The following ARAP2 variants were observed in gnomAD, a reference collection of about 807,000 sequenced individuals.
The protein encoded by ARAP2 is ArfGAP with RhoGAP domain, ankyrin repeat and PH domain 2.
ARAP2 carries 148 observed loss-of-function variants against 194.5 expected under a neutral mutation model. The observed-to-expected ratio is 0.76, with a 90% CI of 0.67 to 0.87. ARAP2 has a LOEUF of 0.87. Among genes scored for constraint, ARAP2 ranks in the 40% least tolerant of loss-of-function variants. ARAP2 has a pLI of 0.00. For synonymous variants in ARAP2, 695 were observed against 683.5 expected (o/e 1.02, Z -0.26); for missense variants, 2,128 against 1,989.7 (o/e 1.07, Z -1.32).
At chr4:36,113,115 C>T (rs1316790378) in intron 26 of ARAP2, among the ~76,000 whole-genome samples, 1 of 151,794 alleles carries the variant, frequency 6.6e-6, no homozygotes, top group African/African-American at 2.4e-5. Context: ...AGGGAATAGT[C>T]ATTAACAATA....
chr4:36,098,882 T>C (rs1473714601), intron 27 of ARAP2, among the ~76,000 whole-genome samples: 5 of 149,300 alleles, frequency 3.3e-5, no homozygotes, highest in Non-Finnish European at 7.4e-5. Context: ...AATTTAACTC[T>C]TTTTTTTATT....
intron 2 of ARAP2, among the ~76,000 whole-genome samples, chr4:36,223,901 C>T (rs566727340): frequency 4.6e-5 from 7 of 152,152 alleles, no homozygotes; most frequent in Admixed American, 1.3e-4. Flanking sequence ...ACCCAGTCTA[C>T]GGTATTTCGT....
At chr4:36,165,240 T>C in intron 10 of ARAP2, 127 bp from the exon 11 acceptor site, 1 of 799,256 alleles carries the variant, frequency 1.3e-6, no homozygotes, top group Non-Finnish European at 2.0e-6. Context: ...TGCTAGGCAG[T>C]TCTGGGTTGT....
At chr4:36,119,902 A>G (rs192038372) in intron 23 of ARAP2, among the ~76,000 whole-genome samples, 184 bp from the exon 24 acceptor site, 242 of 151,436 alleles carry the variant, frequency 1.6e-3, no homozygotes, top group African/African-American at 5.5e-3. Context: ...AGAGTATCCT[A>G]AAGTTCAAAA....
chr4:36,115,319 T>A (rs1721059610), intron 25 of ARAP2, among the ~76,000 whole-genome samples: 1 of 152,010 alleles, frequency 6.6e-6, no homozygotes, highest in Admixed American at 6.6e-5. Context: ...AAAAACTTGT[T>A]ATAGCATCTA....
chr4:36,086,357 G>A (rs1711829800), intron 28 of ARAP2, among the ~76,000 whole-genome samples: 1 of 152,086 alleles, frequency 6.6e-6, no homozygotes, highest in Admixed American at 6.6e-5. Context: ...GGAATTGACT[G>A]CCCAAGTCAC....
intron 9 of ARAP2, among the ~76,000 whole-genome samples, chr4:36,168,593 C>T (rs571088548): frequency 4.5e-4 from 69 of 152,192 alleles, no homozygotes; most frequent in Admixed American, 2.7e-3. Context: ...AGTTTCCAGA[C>T]GCAAATTGTG....
chr4:36,160,006 G>A, intron 13 of ARAP2: 5 of 846,786 alleles, frequency 5.9e-6, no homozygotes, highest in Non-Finnish European at 7.1e-6. Flanking sequence ...AGGATAGGAA[G>A]GAGGAAGAAC....
At chr4:36,158,937 C>T (rs1461562429) in intron 14 of ARAP2, 73 bp from the exon 15 acceptor site, 1 of 1,359,886 alleles carries the variant, frequency 7.4e-7, no homozygotes, top group Non-Finnish European at 9.9e-7. Context: ...ATAATATGTA[C>T]ATGAGTTTTG....
At position 36,149,218 on chromosome 4, in the gene ARAP2, T is replaced by G. The variant is rs375017980; in HGVS notation, c.2898-711A>C. Among the ~76,000 whole-genome samples, 13 of 152,242 alleles carry G rather than the reference T, an allele frequency of 8.5e-5. No individual in the cohort carries two copies. The East Asian group carries it at 9.6e-4, about 11-fold the overall frequency. ...CCCCAAGCCTGTTGTATCCCCTTCA[T>G]GTCCTAATTTAGAAGCATCACAATC... On this transcript the variant is annotated intron_variant, in intron 16 of 32. Coordinates refer to ENST00000303965, the MANE Select transcript of ARAP2 (RefSeq NM_015230.4).
At chr4:36,237,589 A>G (rs1245929549) in intron 1 of ARAP2, among the ~76,000 whole-genome samples, 3 of 152,178 alleles carry the variant, frequency 2.0e-5, no homozygotes, top group Admixed American at 6.5e-5. Context: ...CCTTCCTGGC[A>G]TCTGATATGC....
Position 36,229,369 on chromosome 4 carries a change from C to T in ARAP2, c.118G>A (p.Ala40Thr). The T allele has an allele frequency of 6.2e-7, 1 of 1,614,058 alleles. No individual in the cohort carries two copies. The highest frequency in any genetic ancestry group is 8.5e-7 in the Non-Finnish European group (1 of 1,179,976). The change falls in exon 2 of 33, where the codon GCA becomes ACA. Residue 40 changes from alanine (A) to threonine (T), a missense_variant. Ala to Thr is a moderately conservative substitution (Grantham distance 58, BLOSUM62 0). Transcript: ENST00000303965. Reference protein sequence around the residue: ...SGFTTVKDCAAINDSLLQKIG... With the variant: ...SGFTTVKDCATINDSLLQKIG... The stretch of plus-strand genomic sequence containing the variant: ...TTCTGCAGCAGGCTGTCATTTATTG[C>T]TGCACAGTCCTTCACAGTAGTAAAA...
At chr4:36,214,155 C>T (rs574823869) in intron 3 of ARAP2, among the ~76,000 whole-genome samples, 1 of 152,230 alleles carries the variant, frequency 6.6e-6, no homozygotes, top group South Asian at 2.1e-4. Flanking sequence ...AGTTAAATGC[C>T]TGCAACTGTG....
chr4:36,031,617 G>A (rs1399101543), intron 5 of ARAP2, among the ~76,000 whole-genome samples: 1 of 151,702 alleles, frequency 6.6e-6, no homozygotes, highest in Non-Finnish European at 1.5e-5. Context: ...TCAGACATAC[G>A]TGAAAGAAAA....
In ARAP2 at chr4:36,229,411, G is replaced by A. The variant is rs1751002256; in HGVS notation, c.76C>T (p.His26Tyr). 1 of 1,613,814 alleles carries A rather than the reference G, an allele frequency of 6.2e-7. No individual in the cohort carries two copies. The highest frequency in any genetic ancestry group is 1.1e-5 in the South Asian group (1 of 91,080). Residue 26 changes from histidine to tyrosine, a missense_variant, in exon 2 of 33, where the codon CAT (histidine) becomes TAT (tyrosine). By Grantham distance (83) the His-to-Tyr change is moderately conservative. Coordinates refer to ENST00000303965, the MANE Select transcript of ARAP2 (RefSeq NM_015230.4). ...MSINLEQYLL[H>Y]FHESGFTTVK... ...GTAGTAAAACCAGACTCATGGAAAT[G>A]TAAGAGATACTGCTCCAAATTAATG...
chr4:36,238,561 G>T lies in ARAP2; in HGVS notation c.-160+5618C>A, dbSNP rs13114697. ...TCTCCTTTGTCTAGCTGTTCATAAG[G>T]GCTTATATTCACACTAGGGAAATGC... On this transcript the variant is annotated intron_variant, in intron 1 of 32. Transcript: ENST00000303965. Among the ~76,000 whole-genome samples the T allele has an allele frequency of 5.9e-5, 9 of 152,056 alleles. No individual in the cohort carries two copies. In the East Asian group the frequency reaches 1.5e-3, roughly 26 times the overall value.
chr4:36,072,307 T>C (rs1727173453), intron 32 of ARAP2, among the ~76,000 whole-genome samples: 1 of 152,164 alleles, frequency 6.6e-6, no homozygotes, highest in Admixed American at 6.5e-5. Flanking sequence ...TTTTAAAAGC[T>C]TGTAAACACT....
chr4:36,121,107 AC>A lies in ARAP2; in HGVS notation c.3894+71del, dbSNP rs1414712071. The A allele has an allele frequency of 5.1e-6, 6 of 1,182,632 alleles. No homozygotes were observed. In the African/African-American group the frequency reaches 9.4e-5, roughly 18 times the overall value. 73.3% of individuals were successfully genotyped at this position (1,182,632 alleles called of 1,614,324 possible). ...ATAAAGATCTGAATAATAACACCCT[AC>A]AACATAAATATTTGTTGGCAAACAG... is the stretch of plus-strand genomic sequence containing the variant. On this transcript the variant is annotated intron_variant, in intron 23 of 32. Coordinates refer to ENST00000303965, the MANE Select transcript of ARAP2 (RefSeq NM_015230.4).
intron 13 of ARAP2, 84 bp downstream of exon 13, chr4:36,160,375 A>C (rs1641341606): frequency 2.3e-6 from 3 of 1,319,164 alleles, no homozygotes; most frequent in African/African-American, 1.6e-5. Context: ...GATAGTATAA[A>C]ATTTTTTACT....
Sources: gnomAD v4.1 joint callset for allele counts (sites outside exome capture counted in the v4.1 genomes callset) on GRCh38, gnomAD v4.1.1 for gene constraint, MANE v1.5 for transcripts, NCBI Gene and HGNC (gene_info 2026-07-23, HGNC 2026-07-21) for gene names.